Variants in CENPF observed in about 807,000 individuals in gnomAD.
The protein encoded by CENPF is centromere protein F, also known as AH antigen.
Under a neutral mutation model 307.3 loss-of-function variants are expected in CENPF, and 214 were observed. The observed-to-expected ratio is 0.70, with a 90% CI of 0.62 to 0.78. The LOEUF is 0.78. Among genes scored for constraint, CENPF ranks in the 30% least tolerant of loss-of-function variants. The pLI is 0.00. For synonymous variants in CENPF, 1,259 were observed against 1,270.6 expected (o/e 0.99, Z 0.19); for missense variants, 3,401 against 3,483.9 (o/e 0.98, Z 0.60).
At chr1:214,623,394 C>T (rs925287036) in intron 7 of CENPF, among the ~76,000 whole-genome samples, 1 of 152,050 alleles carries the variant, frequency 6.6e-6, no homozygotes, top group Non-Finnish European at 1.5e-5. Flanking sequence ...AACACTATAC[C>T]ATTTTATATC....
intron 1 of CENPF, chr1:214,606,021 T>C (rs1183705488): frequency 4.8e-5 from 76 of 1,596,520 alleles, no homozygotes; most frequent in Non-Finnish European, 1.2e-5. Flanking sequence ...AGGTCCACGG[T>C]GGGCACCGTG....
chr1:214,614,031 G>T (rs762575039), intron 2 of CENPF, 115 bp downstream of exon 2: 24 of 1,065,586 alleles, frequency 2.3e-5, no homozygotes, highest in Non-Finnish European at 2.4e-5. Context: ...TTTACATTTA[G>T]AGAAAAATGA....
chr1:214,647,504 C>A, intron 13 of CENPF, 104 bp downstream of exon 13: 1 of 1,280,060 alleles, frequency 7.8e-7, no homozygotes, highest in Non-Finnish European at 1.0e-6. Context: ...ACCGTGTCTG[C>A]TATATTGGAC....
rs1163609750 is a variant in CENPF at position 214,655,428 on chromosome 1, A to G, written c.8485+25A>G. 6 of 1,533,338 alleles carry G rather than the reference A, an allele frequency of 3.9e-6. No homozygotes were observed. The African/African-American group carries it at 4.2e-5, about 11-fold the overall frequency. 95.0% of individuals were successfully genotyped at this position (1,533,338 alleles called of 1,614,324 possible). A position where few individuals can be genotyped will look rare whatever the true frequency, so the allele number is the denominator to read the frequency against. On this transcript the variant is annotated intron_variant, in intron 17 of 19. Coordinates refer to ENST00000366955, the MANE Select transcript of CENPF (RefSeq NM_016343.4). ...GGTGGGTGTTAACTGGGGCACATCA[A>G]CTAGCCAGAACTCTTTTCCAGTAGT... is the stretch of plus-strand genomic sequence containing the variant.
At chr1:214,624,857 C>G (rs1223221674) in intron 7 of CENPF, among the ~76,000 whole-genome samples, 2 of 151,998 alleles carry the variant, frequency 1.3e-5, no homozygotes, top group Non-Finnish European at 2.9e-5. Flanking sequence ...TTTAGTTGTT[C>G]AATTCATTGT....
intron 1 of CENPF, among the ~76,000 whole-genome samples, chr1:214,603,912 C>G (rs1240378312): frequency 1.3e-5 from 2 of 152,064 alleles, no homozygotes; most frequent in African/African-American, 4.8e-5. Context: ...ATCCTCCCGC[C>G]TTGGCCTCTG....
intron 2 of CENPF, 112 bp downstream of exon 2, chr1:214,614,028 T>A: frequency 9.1e-7 from 1 of 1,094,102 alleles, no homozygotes; most frequent in South Asian, 2.4e-5. Flanking sequence ...TTCTTTACAT[T>A]TAGAGAAAAA....
intron 13 of CENPF, chr1:214,647,900 GT>G (rs1375688592): frequency 4.6e-6 from 2 of 434,308 alleles, no homozygotes. Flanking sequence ...TCTAGGGTGT[GT>G]TTTGGGGATT....
At position 214,608,315 on chromosome 1, in the gene CENPF, T is replaced by C. The variant is rs1657095593; in HGVS notation, c.-42+4994T>C. The C allele has an allele frequency of 2.5e-6, 4 of 1,591,576 alleles. No individual in the cohort carries two copies. The South Asian group carries it at 4.5e-5, about 18-fold the overall frequency. ...AGCTGCCCCCAGGGTTGCCCTCACC[T>C]GGTGCGCAGGGCCTGCCAGGCGGCG... On this transcript the variant is annotated intron_variant, in intron 1 of 19. Transcript: ENST00000366955.
At position 214,644,635 on chromosome 1, in the gene CENPF, G is replaced by A. The variant is rs774635931; in HGVS notation, c.5065G>A (p.Asp1689Asn). The A allele has an allele frequency of 2.0e-5, 33 of 1,613,874 alleles. No homozygotes were observed. Among genetic ancestry groups the A allele is most frequent in the Non-Finnish European group, 2.6e-5 (31 of 1,179,964 alleles). The change falls in exon 13 of 20, where the codon GAT (aspartate) becomes AAT (asparagine). Residue 1689 changes from aspartate (D) to asparagine (N), a missense_variant. By Grantham distance (23) the Asp-to-Asn change is conservative. Coordinates refer to ENST00000366955, the MANE Select transcript of CENPF (RefSeq NM_016343.4). ...SETTERTPKH[D>N]VHQICDKDAQ... The stretch of plus-strand genomic sequence containing the variant: ...AACTACAGAAAGAACACCAAAGCAT[G>A]ATGTTCATCAGATTTGTGATAAAGA...
At chr1:214,617,147 G>A (rs1317621974) in intron 3 of CENPF, among the ~76,000 whole-genome samples, 2 of 151,882 alleles carry the variant, frequency 1.3e-5, no homozygotes, top group East Asian at 3.9e-4. Flanking sequence ...CGCCTCCTGG[G>A]TTCAAGTGAT....
In CENPF at chr1:214,664,363, C is replaced by A. The variant is rs774336309; in HGVS notation, c.*569C>A. On this transcript the variant is annotated 3_prime_UTR_variant, in exon 20 of 20. Coordinates refer to ENST00000366955, the MANE Select transcript of CENPF (RefSeq NM_016343.4). ...GTTTTAGACATCTTTGCTTATGAAA[C>A]CTGTACATATGTGTGTGTGGGTATG... 1 of 153,220 alleles carries A rather than the reference C, an allele frequency of 6.5e-6. No individual in the cohort carries two copies. Among genetic ancestry groups the A allele is most frequent in the Non-Finnish European group, 1.5e-5 (1 of 68,856 alleles). The allele number at this position is 153,220 out of a possible 1,614,324, so 9.5% of individuals were successfully genotyped here.
At position 214,646,443 on chromosome 1, in the gene CENPF, A is replaced by G. The variant is rs1658303706; in HGVS notation, c.6873A>G (p.Pro2291=). Residue 2291 remains proline (P), a synonymous_variant, in exon 13 of 20, where the codon CCA becomes CCG. Transcript: ENST00000366955. ...IMKATEQSLD[P]PIEEEHQLRN... ...AGGCCACAGAACAGAGTCTAGACCC[A>G]CCAATAGAGGAAGAGCATCAGCTGA... is the stretch of plus-strand genomic sequence containing the variant. The G allele has an allele frequency of 6.2e-7, 1 of 1,614,048 alleles. No individual in the cohort carries two copies. Among genetic ancestry groups the G allele is most frequent in the South Asian group, 1.1e-5 (1 of 91,090 alleles).
In CENPF at chr1:214,647,062, G is replaced by C; in HGVS notation, c.7492G>C (p.Val2498Leu). Residue 2498 changes from valine to leucine, a missense_variant, in exon 13 of 20, where the codon GTT becomes CTT. Physicochemically the swap from Val to Leu is conservative, Grantham distance 32. Coordinates refer to ENST00000366955, the MANE Select transcript of CENPF (RefSeq NM_016343.4). ...GLDEAKNNYI[V>L]LQSSVNGLIQ... ...TGATGAGGCCAAAAATAATTATATT[G>C]TTTTGCAATCTTCAGTGAATGGCCT... The C allele has an allele frequency of 1.2e-6, 2 of 1,614,054 alleles. No individual in the cohort carries two copies. The highest frequency in any genetic ancestry group is 1.7e-6 in the Non-Finnish European group (2 of 1,179,990).
Position 214,613,917 on chromosome 1 carries a change from G to A in CENPF, c.162+1G>A, listed in dbSNP as rs374123290. Reference sequence around the variant, plus strand: ...TGCGCTGCAGAAGCAAAAACAGAAGGTACCCCTGAAGCTCTGGTATTTGTA... The same window carrying A: ...TGCGCTGCAGAAGCAAAAACAGAAGATACCCCTGAAGCTCTGGTATTTGTA... On this transcript the variant is annotated splice_donor_variant, in intron 2 of 19. Coordinates refer to ENST00000366955, the MANE Select transcript of CENPF (RefSeq NM_016343.4). LOFTEE classifies it high-confidence loss of function. The A allele has an allele frequency of 1.9e-6, 3 of 1,606,742 alleles. No homozygotes were observed. Among genetic ancestry groups the A allele is most frequent in the South Asian group, 2.2e-5 (2 of 89,414 alleles).
In CENPF at chr1:214,641,233, TA is replaced by T; in HGVS notation, c.2899del (p.Arg967GlyfsTer6). The T allele has an allele frequency of 6.2e-7, 1 of 1,603,060 alleles. No individual in the cohort carries two copies. The highest frequency in any genetic ancestry group is 8.5e-7 in the Non-Finnish European group (1 of 1,177,110). Reference sequence around the variant, plus strand: ...AAATGAGTTCCATCATTTCTCTAAATAAAAGGGAAATTGAAGAGCTGACCCA... The same window carrying T: ...AAATGAGTTCCATCATTTCTCTAAATAAAGGGAAATTGAAGAGCTGACCCA... ...KEMSSIISLN[K>X]REIEELTQEN... On this transcript the variant is annotated frameshift_variant, in exon 12 of 20. Transcript: ENST00000366955. LOFTEE classifies it high-confidence loss of function.
intron 10 of CENPF, among the ~76,000 whole-genome samples, chr1:214,636,839 C>T (rs540325678): frequency 5.3e-4 from 80 of 152,208 alleles, no homozygotes; most frequent in African/African-American, 1.7e-3. Flanking sequence ...GATTTTTCCC[C>T]GCTTGAGGAT....
intron 7 of CENPF, among the ~76,000 whole-genome samples, chr1:214,624,730 T>G (rs1657606621): frequency 6.6e-6 from 1 of 152,188 alleles, no homozygotes; most frequent in Non-Finnish European, 1.5e-5. Flanking sequence ...TTTTTTTCTC[T>G]GTTTTCAATT....
At chr1:214,615,055 GGAT>G in intron 3 of CENPF, 27 bp downstream of exon 3, 1 of 1,478,048 alleles carries the variant, frequency 6.8e-7, no homozygotes, top group Non-Finnish European at 9.2e-7. Flanking sequence ...GTATTTATAG[GGAT>G]GATATTTGTA....
Sources: allele counts gnomAD v4.1 joint callset (sites outside exome capture counted in the v4.1 genomes callset), GRCh38; gene constraint gnomAD v4.1.1; transcripts MANE v1.5; gene names NCBI Gene and HGNC (gene_info 2026-07-23, HGNC 2026-07-21).